SHC3: variants seen among roughly 807,000 people sequenced by gnomAD.
SHC3 encodes SHC adaptor protein 3.
Under a neutral mutation model 60.4 loss-of-function variants are expected in SHC3, and 15 were observed. The observed-to-expected ratio is 0.25, with a 90% CI of 0.17 to 0.38. SHC3 has a LOEUF of 0.38. Ranked by LOEUF, SHC3 falls within the 10% of genes least tolerant of loss-of-function variation. SHC3 has a pLI of 1.00. For missense variants in SHC3, 677 were observed against 786.1 expected (o/e 0.86, Z 1.66); for synonymous variants, 294 against 325.9 (o/e 0.90, Z 1.05).
At chr9:89,042,245 C>T in intron 9 of SHC3, 61 bp from the exon 10 acceptor site, 2 of 1,461,276 alleles carry the variant, frequency 1.4e-6, no homozygotes, top group Non-Finnish European at 1.8e-6. Context: ...AGCCACCCAG[C>T]CTTTCACAAA....
chr9:89,066,052 C>T (rs996565563), intron 5 of SHC3, among the ~76,000 whole-genome samples: 4 of 152,176 alleles, frequency 2.6e-5, no homozygotes, highest in South Asian at 2.1e-4. Flanking sequence ...ATGACTGTAA[C>T]GTGAACCACA....
intron 1 of SHC3, among the ~76,000 whole-genome samples, chr9:89,138,123 T>C (rs890179688): frequency 6.6e-6 from 1 of 152,128 alleles, no homozygotes; most frequent in African/African-American, 2.4e-5. Context: ...ACAAAGAACA[T>C]GCATCTGAGG....
In SHC3 at chr9:89,057,595, G is replaced by A. The variant is rs566705650; in HGVS notation, c.836-5432C>T. 9.2e-5 allele frequency among the ~76,000 whole-genome samples: 14 copies of A among 151,882 alleles called. No homozygotes were observed. In the South Asian group the frequency reaches 2.5e-3, roughly 27 times the overall value. On this transcript the variant is annotated intron_variant, in intron 6 of 11. Coordinates refer to ENST00000375835, the MANE Select transcript of SHC3 (RefSeq NM_016848.6). ...TCCAAAACAGTGATTTGGCCTCCAG[G>A]TACATAGCCTAGGGAAATTCCTGGA...
rs746023442 is a variant in SHC3, at chr9:89,077,176, CAAAAAAACAAAA to C, written c.609+652_609+663del. On this transcript the variant is annotated intron_variant, in intron 3 of 11. Coordinates refer to ENST00000375835, the MANE Select transcript of SHC3 (RefSeq NM_016848.6). ...CGGGGGATAGAGCGAGACTCTGTCT[CAAAAAAACAAAA>C]AAAAAAACAAAAAAAAACAGACAAT... 2.0e-3 allele frequency among the ~76,000 whole-genome samples: 263 copies of C among 128,810 alleles called. 2 individuals are homozygous for C. The highest frequency in any genetic ancestry group is 7.0e-3 in the African/African-American group (241 of 34,562). The allele number at this position is 128,810 out of a possible 152,430, so 84.5% of individuals were successfully genotyped here.
intron 1 of SHC3, among the ~76,000 whole-genome samples, chr9:89,177,759 G>A (rs571916120): frequency 1.3e-5 from 2 of 152,382 alleles, no homozygotes; most frequent in African/African-American, 4.8e-5. Context: ...GGGACGGAGC[G>A]GGCCACCCGA....
At chr9:89,034,907 G>T (rs1181234816) in intron 11 of SHC3, among the ~76,000 whole-genome samples, 5 of 152,180 alleles carry the variant, frequency 3.3e-5, no homozygotes, top group African/African-American at 1.2e-4. Flanking sequence ...TTGGGAATGT[G>T]TCTAGACTTG....
chr9:89,097,117 A>C (rs1410013536), intron 2 of SHC3, among the ~76,000 whole-genome samples: 1 of 150,984 alleles, frequency 6.6e-6, no homozygotes, highest in South Asian at 2.1e-4. Context: ...AAAAAAAAAA[A>C]AAAAAAAAAA....
chr9:89,071,394 G>A, intron 4 of SHC3, 142 bp from the exon 5 acceptor site: 3 of 783,506 alleles, frequency 3.8e-6, no homozygotes, highest in Non-Finnish European at 6.2e-6. Context: ...GATTATAAAA[G>A]TAATAGCAAT....
At chr9:89,059,118 TGTGGTGGAGGACG>T (rs1825013585) in intron 6 of SHC3, among the ~76,000 whole-genome samples, 1 of 109,588 alleles carries the variant, frequency 9.1e-6, no homozygotes, top group Non-Finnish European at 1.9e-5. Context: ...TGGTGGAGGA[TGTGGTGGAGGACG>T]GTGGTGGAGG....
At position 89,178,515 on chromosome 9, in the gene SHC3, G is replaced by A. The variant is rs137971758; in HGVS notation, c.-55C>T. On this transcript the variant is annotated 5_prime_UTR_variant, in exon 1 of 12. Coordinates refer to ENST00000375835, the MANE Select transcript of SHC3 (RefSeq NM_016848.6). This position sits in a 1 kb window ranked among gnomAD's most constrained non-coding sequence, Gnocchi z 6.9. The stretch of plus-strand genomic sequence containing the variant: ...GGGCGCTGCTGGTGCCGGCCCCGGC[G>A]CGGGCTGCCGCGCATAGCAGGCGAG... The A allele has an allele frequency of 6.6e-4, 919 of 1,393,350 alleles. 4 individuals are homozygous for A. The African/African-American group carries it at 0.012, about 19-fold the overall frequency. The allele number at this position is 1,393,350 out of a possible 1,614,324, so 86.3% of individuals were successfully genotyped here.
rs1269968525 is a variant in SHC3, at chr9:89,178,341, G to A, written c.120C>T (p.Thr40=). The change falls in exon 1 of 12, where the codon ACC becomes ACT. Residue 40 remains threonine, a synonymous_variant. Coordinates refer to ENST00000375835, the MANE Select transcript of SHC3 (RefSeq NM_016848.6). The surrounding 1 kb of genome is among the most constrained non-coding windows in gnomAD (Gnocchi z 6.9). ...ACACCAAGTAGGGAGCCGCCGCCGGGGTCGCGCGCGCCGCCGAAACCTTGC... is the reference window on the plus strand; with the variant it reads ...ACACCAAGTAGGGAGCCGCCGCCGGAGTCGCGCGCGCCGCCGAAACCTTGC... The part of the protein sequence containing the change: ...GGGKVSAARA[T]PAAAPYLVSG... The A allele has an allele frequency of 1.9e-6, 3 of 1,594,678 alleles. No homozygotes were observed. Among genetic ancestry groups the A allele is most frequent in the Non-Finnish European group, 2.6e-6 (3 of 1,172,538 alleles).
intron 11 of SHC3, among the ~76,000 whole-genome samples, chr9:89,034,018 G>A (rs567949473): frequency 7.2e-5 from 11 of 152,190 alleles, no homozygotes; most frequent in South Asian, 6.2e-4. Context: ...TAAAACATTC[G>A]GTGACCAAAT....
chr9:89,094,169 T>G (rs1458960680), intron 2 of SHC3, among the ~76,000 whole-genome samples: 1 of 151,846 alleles, frequency 6.6e-6, no homozygotes, highest in Non-Finnish European at 1.5e-5. Context: ...AATTCATATT[T>G]AAATCCCAAA....
chr9:89,029,526 G>C (rs953799816), intron 11 of SHC3, among the ~76,000 whole-genome samples: 2 of 152,162 alleles, frequency 1.3e-5, no homozygotes, highest in Non-Finnish European at 2.9e-5. Flanking sequence ...TTCCGAGAAA[G>C]GCACTTAAGG....
rs1825996744 is a variant in SHC3, at chr9:89,010,122, T to C, written c.*3325A>G. 1 of 152,278 alleles carries C rather than the reference T, an allele frequency of 6.6e-6. No individual in the cohort carries two copies. The highest frequency in any genetic ancestry group is 6.5e-5 in the Admixed American group (1 of 15,292). 9.4% of individuals were successfully genotyped at this position (152,278 alleles called of 1,614,324 possible). Reference sequence around the variant, plus strand: ...AGGAGGCCCTAAAGAAGGCCATATATGGCCCAATCAGGCCTTTGTCCATTA... The same window carrying C: ...AGGAGGCCCTAAAGAAGGCCATATACGGCCCAATCAGGCCTTTGTCCATTA... On this transcript the variant is annotated 3_prime_UTR_variant, in exon 12 of 12. Coordinates refer to ENST00000375835, the MANE Select transcript of SHC3 (RefSeq NM_016848.6).
chr9:89,048,108 G>A (rs1300055060), intron 7 of SHC3, among the ~76,000 whole-genome samples: 2 of 152,166 alleles, frequency 1.3e-5, no homozygotes, highest in South Asian at 2.1e-4. Flanking sequence ...GCCAGGCGTG[G>A]TGGCACACAC....
chr9:89,099,381 T>C (rs1314117604), intron 2 of SHC3, among the ~76,000 whole-genome samples: 2 of 152,258 alleles, frequency 1.3e-5, no homozygotes, highest in African/African-American at 4.8e-5. Flanking sequence ...TCAACACTTC[T>C]GAACCCTTTG....
At chr9:89,143,722 A>C (rs1826428897) in intron 1 of SHC3, among the ~76,000 whole-genome samples, 1 of 152,164 alleles carries the variant, frequency 6.6e-6, no homozygotes, top group African/African-American at 2.4e-5. Flanking sequence ...TTAGGGCTGA[A>C]TGAATGCTGC....
intron 10 of SHC3, among the ~76,000 whole-genome samples, chr9:89,040,410 C>T (rs183037502): frequency 1.9e-4 from 29 of 151,942 alleles, no homozygotes; most frequent in Admixed American, 1.8e-3. Flanking sequence ...TTTTCACATC[C>T]TGTTTCCCCT....
Sources: gnomAD v4.1 joint callset for allele counts (sites outside exome capture counted in the v4.1 genomes callset) on GRCh38, gnomAD v4.1.1 for gene constraint, Gnocchi (gnomAD v3.1) non-coding constraint, MANE v1.5 for transcripts, NCBI Gene and HGNC (gene_info 2026-07-23, HGNC 2026-07-21) for gene names.